Variants in ADAMTS20 observed in about 807,000 individuals in gnomAD.
ADAMTS20 encodes ADAM metallopeptidase with thrombospondin type 1 motif 20.
Under a neutral mutation model 260.1 loss-of-function variants are expected in ADAMTS20, and 225 were observed. The observed-to-expected ratio is 0.87, with a 90% CI of 0.78 to 0.97. ADAMTS20 has a LOEUF of 0.97. Ranked by LOEUF, ADAMTS20 falls within the 50% of genes least tolerant of loss-of-function variation. ADAMTS20 has a pLI of 0.00. For missense variants in ADAMTS20, 2,400 were observed against 2,337.7 expected, an observed-to-expected ratio of 1.03 and a Z score of -0.55; for synonymous variants, 802 against 769.5, an observed-to-expected ratio of 1.04 and a Z score of -0.70.
chr12:43,538,238 T>C (rs1297559971), intron 2 of ADAMTS20, among the ~76,000 whole-genome samples: 3 of 152,368 alleles, frequency 2.0e-5, no homozygotes, highest in Admixed American at 6.5e-5. Flanking sequence ...TATCTCACTG[T>C]AGTTTTGACT....
intron 2 of ADAMTS20, among the ~76,000 whole-genome samples, chr12:43,544,984 C>T (rs187051741): frequency 9.9e-5 from 15 of 152,204 alleles, no homozygotes; most frequent in Admixed American, 7.8e-4. Context: ...GTAGCATGCT[C>T]GCCTCAATGC....
chr12:43,410,103 G>A (rs934265247), intron 28 of ADAMTS20, among the ~76,000 whole-genome samples: 2 of 151,786 alleles, frequency 1.3e-5, no homozygotes, highest in Non-Finnish European at 1.5e-5. Flanking sequence ...TGCACCTCTC[G>A]TTTTTTTTCA....
chr12:43,370,806 G>A (rs6582461), intron 36 of ADAMTS20, among the ~76,000 whole-genome samples: 3,423 of 152,182 alleles, frequency 0.022, 58 homozygotes, highest in East Asian at 0.085. Flanking sequence ...AATATTCCAT[G>A]TCACTAATTC....
chr12:43,392,708 C>T (rs939012576), intron 29 of ADAMTS20, among the ~76,000 whole-genome samples: 8 of 151,974 alleles, frequency 5.3e-5, no homozygotes, highest in South Asian at 2.1e-4. Flanking sequence ...GTTAATCTCC[C>T]GAACACATTT....
In ADAMTS20 at chr12:43,376,141, C is replaced by T; in HGVS notation, c.5228G>A (p.Cys1743Tyr). ...NIKGRIIKIY[C>Y]ADMYLENPKE... is the part of the protein sequence containing the mutation. ...AGGGTTCTCCAAGTACATGTCTGCACAATAAATCTAAAGAAAAAATGTAAA... is the reference window on the plus strand; with the variant it reads ...AGGGTTCTCCAAGTACATGTCTGCATAATAAATCTAAAGAAAAAATGTAAA... Residue 1743 changes from cysteine (C) to tyrosine (Y), a missense_variant, in exon 35 of 39, where the codon TGT (cysteine) becomes TAT (tyrosine). By Grantham distance (194) the Cys-to-Tyr change is radical. Coordinates refer to ENST00000389420, the MANE Select transcript of ADAMTS20 (RefSeq NM_025003.5). 1 of 1,598,778 alleles carries T rather than the reference C, an allele frequency of 6.3e-7. No individual in the cohort carries two copies. Among genetic ancestry groups the T allele is most frequent in the Non-Finnish European group, 8.5e-7 (1 of 1,174,162 alleles).
At chr12:43,420,800 C>T (rs113514857) in intron 28 of ADAMTS20, among the ~76,000 whole-genome samples, 17 of 55,508 alleles carry the variant, frequency 3.1e-4, no homozygotes, top group East Asian at 1.4e-3. Flanking sequence ...CCTCCTCCTT[C>T]TTTTTTTTTT....
intron 3 of ADAMTS20, among the ~76,000 whole-genome samples, chr12:43,511,184 T>C (rs1471794818): frequency 1.3e-5 from 2 of 152,120 alleles, no homozygotes; most frequent in Non-Finnish European, 2.9e-5. Context: ...ATTAGAATAA[T>C]GAATACAAAA....
intron 7 of ADAMTS20, among the ~76,000 whole-genome samples, chr12:43,469,262 T>C (rs1168090788): frequency 6.6e-6 from 1 of 152,122 alleles, no homozygotes; most frequent in Admixed American, 6.5e-5. Context: ...AATATAAGAA[T>C]TACTGCCGTC....
Position 43,432,601 on chromosome 12 carries a change from C to T in ADAMTS20, c.2931G>A (p.Gln977=). 6.2e-7 allele frequency: 1 copy of T among 1,613,476 alleles called. No homozygotes were observed. The highest frequency in any genetic ancestry group is 8.5e-7 in the Non-Finnish European group (1 of 1,179,702). The change falls in exon 20 of 39, where the codon CAG becomes CAA. Residue 977 remains glutamine, a splice_region_variant and synonymous_variant. Coordinates refer to ENST00000389420, the MANE Select transcript of ADAMTS20 (RefSeq NM_025003.5). ...TTTTAAGCAATCATTTTTATTGTAC[C>T]TGAGACCATTCTGAATAATGCCATC... is the stretch of plus-strand genomic sequence containing the variant. The part of the protein sequence containing the change: ...FTRWHYSEWS[Q]CSRSCGGGER...
chr12:43,403,794 G>T (rs1469744666), intron 28 of ADAMTS20, among the ~76,000 whole-genome samples: 1 of 152,048 alleles, frequency 6.6e-6, no homozygotes, highest in African/African-American at 2.4e-5. Flanking sequence ...CTCCCATAAA[G>T]CAAATGGAAT....
intron 18 of ADAMTS20, among the ~76,000 whole-genome samples, chr12:43,435,650 A>AC (rs1418921069): frequency 6.8e-6 from 1 of 146,158 alleles, no homozygotes; most frequent in Non-Finnish European, 1.5e-5. Context: ...CTAAAAAAAA[A>AC]AAAAAAACAA....
intron 28 of ADAMTS20, among the ~76,000 whole-genome samples, chr12:43,420,245 A>C (rs1180153596): frequency 6.6e-6 from 1 of 152,156 alleles, no homozygotes; most frequent in Non-Finnish European, 1.5e-5. Flanking sequence ...TTCATTGCTA[A>C]ACTGCAAACA....
At chr12:43,413,808 G>A (rs574955617) in intron 28 of ADAMTS20, among the ~76,000 whole-genome samples, 80 of 152,214 alleles carry the variant, frequency 5.3e-4, no homozygotes, top group African/African-American at 1.9e-3. Context: ...AAACTTGATT[G>A]ATTGAGAAGA....
chr12:43,471,251 C>T (rs1156726691), intron 7 of ADAMTS20, among the ~76,000 whole-genome samples: 1 of 152,122 alleles, frequency 6.6e-6, no homozygotes, highest in Non-Finnish European at 1.5e-5. Context: ...TCGGGTCGCT[C>T]CCACCCGAAT....
chr12:43,398,473 T>C (rs1372071510), intron 29 of ADAMTS20, among the ~76,000 whole-genome samples: 3 of 152,146 alleles, frequency 2.0e-5, no homozygotes, highest in African/African-American at 7.2e-5. Flanking sequence ...CAGCCTAGGC[T>C]ATCTATCTCT....
chr12:43,480,233 A>G (rs1190438890), intron 7 of ADAMTS20, among the ~76,000 whole-genome samples: 1 of 152,148 alleles, frequency 6.6e-6, no homozygotes, highest in African/African-American at 2.4e-5. Flanking sequence ...AAATTAGAAA[A>G]CTACACTAAA....
intron 37 of ADAMTS20, among the ~76,000 whole-genome samples, chr12:43,359,439 A>G (rs1939820999): frequency 6.6e-6 from 1 of 152,232 alleles, no homozygotes; most frequent in South Asian, 2.1e-4. Context: ...TATGTAATCT[A>G]TAGATCTAAT....
intron 3 of ADAMTS20, among the ~76,000 whole-genome samples, chr12:43,515,822 T>A (rs1343501205): frequency 2.0e-5 from 3 of 152,180 alleles, no homozygotes; most frequent in Admixed American, 6.5e-5. Flanking sequence ...TAGGAAAAAA[T>A]CAAACTTTAA....
chr12:43,527,044 A>T (rs902062393), intron 3 of ADAMTS20, among the ~76,000 whole-genome samples: 3 of 152,208 alleles, frequency 2.0e-5, no homozygotes, highest in Non-Finnish European at 4.4e-5. Context: ...AAGATCATTC[A>T]ATATTACTAT....
Sources: allele counts gnomAD v4.1 joint callset (sites outside exome capture counted in the v4.1 genomes callset), GRCh38; gene constraint gnomAD v4.1.1; transcripts MANE v1.5; gene names NCBI Gene and HGNC (gene_info 2026-07-23, HGNC 2026-07-21).